ZNF423: variants seen among roughly 807,000 people sequenced by gnomAD.
ZNF423 encodes zinc finger protein 423.
A neutral mutation model predicts 95.8 loss-of-function variants in ZNF423; 12 were observed. The observed-to-expected ratio is 0.13, with a 90% confidence interval of 0.08 to 0.20. The LOEUF is 0.20. Among genes scored for constraint, ZNF423 ranks in the 10% least tolerant of loss-of-function variants. ZNF423 has a pLI of 1.00. For synonymous variants in ZNF423, 749 were observed against 711.9 expected (o/e 1.05, Z -0.83); for missense variants, 1,316 against 1,737.1 (o/e 0.76, Z 4.31).
At chr16:49,500,021 G>A (rs1360469957) in intron 7 of ZNF423, among the ~76,000 whole-genome samples, 10 of 152,186 alleles carry the variant, frequency 6.6e-5, no homozygotes, top group Non-Finnish European at 1.0e-4. Flanking sequence ...TTTGTGAGCA[G>A]AGAATTGGGT....
At chr16:49,573,845 A>G (rs1308428521) in intron 5 of ZNF423, among the ~76,000 whole-genome samples, 1 of 152,188 alleles carries the variant, frequency 6.6e-6, no homozygotes, top group Non-Finnish European at 1.5e-5. Context: ...ATGACCTTAG[A>G]CAAGCCCCTT....
At chr16:49,783,254 G>T (rs2034244383) in intron 2 of ZNF423, among the ~76,000 whole-genome samples, 1 of 150,886 alleles carries the variant, frequency 6.6e-6, no homozygotes, top group African/African-American at 2.4e-5. Context: ...GGCTGGGATG[G>T]GTGGGAGAGG....
chr16:49,629,670 A>G (rs913621702), intron 4 of ZNF423, among the ~76,000 whole-genome samples: 1 of 152,226 alleles, frequency 6.6e-6, no homozygotes, highest in African/African-American at 2.4e-5. Flanking sequence ...CTCTTGCACC[A>G]TGAGCACCCA....
intron 7 of ZNF423, among the ~76,000 whole-genome samples, chr16:49,498,211 G>A (rs1223486693): frequency 2.0e-5 from 3 of 152,134 alleles, no homozygotes; most frequent in East Asian, 1.9e-4. Flanking sequence ...ACTGCCCTGC[G>A]CATTAAATAC....
At chr16:49,579,810 G>A (rs1256892637) in intron 5 of ZNF423, among the ~76,000 whole-genome samples, 1 of 152,166 alleles carries the variant, frequency 6.6e-6, no homozygotes, top group Non-Finnish European at 1.5e-5. Context: ...TCCCATGGGA[G>A]GGCACAGGGA....
intron 5 of ZNF423, among the ~76,000 whole-genome samples, chr16:49,535,521 C>G (rs1474832465): frequency 6.6e-6 from 1 of 152,200 alleles, no homozygotes. Flanking sequence ...AGGTAACTAT[C>G]TCAGCTTCTT....
At chr16:49,588,877 A>G (rs1209210427) in intron 5 of ZNF423, among the ~76,000 whole-genome samples, 1 of 152,250 alleles carries the variant, frequency 6.6e-6, no homozygotes, top group Non-Finnish European at 1.5e-5. Flanking sequence ...ATGATGAATG[A>G]TTCATGCATG....
intron 2 of ZNF423, among the ~76,000 whole-genome samples, chr16:49,771,118 G>A (rs564367025): frequency 2.6e-5 from 4 of 151,872 alleles, no homozygotes; most frequent in South Asian, 2.1e-4. Flanking sequence ...TAACACCACC[G>A]ATGGAGACTG....
At chr16:49,811,157 G>T (rs1567353787) in intron 1 of ZNF423, among the ~76,000 whole-genome samples, 1 of 152,108 alleles carries the variant, frequency 6.6e-6, no homozygotes, top group East Asian at 1.9e-4. Flanking sequence ...ACTACAGAAA[G>T]ATTTCAAGAA....
intron 3 of ZNF423, among the ~76,000 whole-genome samples, chr16:49,677,285 A>AGAGAAGAGATGAGAAGAGAAGAGAT (rs1555470587): frequency 2.3e-5 from 2 of 87,590 alleles, no homozygotes; most frequent in African/African-American, 9.0e-5. Flanking sequence ...AGAGAAGAGA[A>AGAGAAGAGATGAGAAGAGAAGAGAT]GAGAAGAGAA....
At chr16:49,749,785 T>C (rs1024783128) in intron 2 of ZNF423, among the ~76,000 whole-genome samples, 5 of 132,910 alleles carry the variant, frequency 3.8e-5, no homozygotes, top group East Asian at 2.2e-4. Flanking sequence ...CAGGCCCCAG[T>C]AGTGAATTGG....
At chr16:49,519,597 T>C (rs1009673714) in intron 7 of ZNF423, among the ~76,000 whole-genome samples, 2 of 152,184 alleles carry the variant, frequency 1.3e-5, no homozygotes, top group Non-Finnish European at 1.5e-5. Context: ...CATTATGGAG[T>C]TTTGAGAGTT....
intron 1 of ZNF423, among the ~76,000 whole-genome samples, chr16:49,794,207 T>C (rs1179572528): frequency 6.6e-6 from 1 of 150,874 alleles, no homozygotes; most frequent in Non-Finnish European, 1.5e-5. Context: ...GGTGGATTTT[T>C]GTAGTTTTTT....
intron 3 of ZNF423, among the ~76,000 whole-genome samples, chr16:49,650,377 A>G (rs1973353715): frequency 6.6e-6 from 1 of 152,264 alleles, no homozygotes; most frequent in African/African-American, 2.4e-5. Context: ...TAACTACCTT[A>G]CAAAGTGGTT....
chr16:49,679,606 G>A (rs1000464451), intron 3 of ZNF423, among the ~76,000 whole-genome samples: 3 of 152,264 alleles, frequency 2.0e-5, no homozygotes, highest in Non-Finnish European at 1.5e-5. Flanking sequence ...GATGAGCATG[G>A]GAGGGACACC....
At chr16:49,725,305 A>C (rs115121015) in intron 3 of ZNF423, among the ~76,000 whole-genome samples, 3,068 of 152,232 alleles carry the variant, frequency 0.02, 90 homozygotes, top group African/African-American at 0.07. Context: ...TCGCTTGAGC[A>C]CAGGAAGTCG....
intron 5 of ZNF423, among the ~76,000 whole-genome samples, chr16:49,602,516 G>A (rs1451913888): frequency 1.3e-5 from 2 of 152,162 alleles, no homozygotes. Flanking sequence ...TCGGGTGGGG[G>A]GCAGTTTCAG....
intron 5 of ZNF423, among the ~76,000 whole-genome samples, chr16:49,578,414 G>A (rs906664522): frequency 7.2e-5 from 11 of 152,092 alleles, no homozygotes; most frequent in Admixed American, 7.2e-4. Context: ...AAGAGAAACC[G>A]AGGGCTTTGG....
intron 7 of ZNF423, among the ~76,000 whole-genome samples, chr16:49,513,632 GGGATGGATGGATGGAT>G (rs200850664): frequency 7.4e-6 from 1 of 135,208 alleles, no homozygotes; most frequent in South Asian, 2.3e-4. Flanking sequence ...AACACATATG[GGGATGGATGGATGGAT>G]GGATGGATGG....
Sources: gnomAD v4.1 joint callset for allele counts (sites outside exome capture counted in the v4.1 genomes callset) on GRCh38, gnomAD v4.1.1 for gene constraint, MANE v1.5 for transcripts, NCBI Gene and HGNC (gene_info 2026-07-23, HGNC 2026-07-21) for gene names.